Variants in PCNX2 observed in about 807,000 individuals in gnomAD.
PCNX2 encodes pecanex 2, also known as pecanex-like protein 2.
PCNX2 carries 168 observed loss-of-function variants against 223.8 expected under a neutral mutation model. That is an observed-to-expected ratio of 0.75 (90% CI 0.66 to 0.85). PCNX2 has a LOEUF of 0.85. PCNX2 is among the 40% of genes least tolerant of loss of function. PCNX2 has a pLI of 0.00. For missense variants in PCNX2, 2,507 were observed against 2,675.5 expected, an observed-to-expected ratio of 0.94 and a Z score of 1.39; for synonymous variants, 1,006 against 1,052.6, an observed-to-expected ratio of 0.96 and a Z score of 0.86.
At chr1:233,289,119 G>A in intron 1 of PCNX2, 2 of 907,514 alleles carry the variant, frequency 2.2e-6, no homozygotes, top group Non-Finnish European at 3.7e-6. Context: ...CTTATATTTT[G>A]TACAGCTTTT....
chr1:233,076,575 T>A (rs1359213729), intron 23 of PCNX2, among the ~76,000 whole-genome samples: 2 of 152,230 alleles, frequency 1.3e-5, no homozygotes, highest in East Asian at 3.9e-4. Context: ...CAACGTTTCT[T>A]GCTCAGACGG....
intron 32 of PCNX2, among the ~76,000 whole-genome samples, chr1:232,997,267 A>G (rs1388561896): frequency 1.3e-5 from 2 of 152,130 alleles, no homozygotes; most frequent in East Asian, 3.9e-4. Flanking sequence ...GCTGTCTCAG[A>G]TACTTTTTGA....
chr1:233,321,013 CTTT>C, the PCNX2 span, among the ~76,000 whole-genome samples: 6 of 70,362 alleles, frequency 8.5e-5, no homozygotes, highest in Admixed American at 2.1e-4. Context: ...AAAATGTCTT[CTTT>C]TTTTTTTTTT....
Position 233,262,116 on chromosome 1 carries a change from G to A in PCNX2, c.409C>T (p.Leu137Phe). The A allele has an allele frequency of 1.9e-6, 3 of 1,613,828 alleles. No individual in the cohort carries two copies. Among genetic ancestry groups the A allele is most frequent in the South Asian group, 2.2e-5 (2 of 91,078 alleles). The change falls in exon 3 of 34, where the codon CTC becomes TTC. Residue 137 changes from leucine (L) to phenylalanine (F), a missense_variant. Physicochemically the swap from Leu to Phe is conservative, Grantham distance 22. This residue lies in a region of PCNX2 where 1,031 missense variants were observed against 1,021.7 expected (regional missense o/e 1.01). Coordinates refer to ENST00000258229, the MANE Select transcript of PCNX2 (RefSeq NM_014801.4). ...CTGCAGCGGAGGGGAGGCGTGGAGA[G>A]GTTTCGACTGGCCTCTTCCTTTTTG... is the stretch of plus-strand genomic sequence containing the variant. ...NGKKEEASRNLSTPPLRCSSR... is the reference protein window; with the variant it reads ...NGKKEEASRNFSTPPLRCSSR...
chr1:233,029,751 T>C (rs1490407932), intron 25 of PCNX2, among the ~76,000 whole-genome samples: 2 of 152,228 alleles, frequency 1.3e-5, no homozygotes, highest in Non-Finnish European at 2.9e-5. Context: ...TGATTTCTTT[T>C]GATAAGTCAG....
intron 1 of PCNX2, chr1:233,291,065 C>A (rs1032831146): frequency 1.0e-6 from 1 of 985,262 alleles, no homozygotes; most frequent in Non-Finnish European, 1.2e-6. Flanking sequence ...GTTTCACAGC[C>A]TTCAAAGTGC....
Position 232,995,824 on chromosome 1 carries a change from C to T in PCNX2, c.5791+2427G>A, listed in dbSNP as rs1669855522. 2.6e-5 allele frequency among the ~76,000 whole-genome samples: 4 copies of T among 152,132 alleles called. No individual in the cohort carries two copies. The South Asian group carries it at 8.3e-4, about 32-fold the overall frequency. Reference sequence around the variant, plus strand: ...GGAACACCAGCTCTTCCAGGCAAGGCCAGTTCCAGGTGCTGTTTTATAGGA... The same window carrying T: ...GGAACACCAGCTCTTCCAGGCAAGGTCAGTTCCAGGTGCTGTTTTATAGGA... On this transcript the variant is annotated intron_variant, in intron 32 of 33. Transcript: ENST00000258229.
At chr1:233,185,476 A>G (rs568432105) in intron 15 of PCNX2, among the ~76,000 whole-genome samples, 88 of 152,324 alleles carry the variant, frequency 5.8e-4, no homozygotes, top group South Asian at 1.2e-3. Flanking sequence ...TTCATTTAAA[A>G]AAAAAGGTTA....
At chr1:233,090,340 T>C in intron 22 of PCNX2, 150 bp from the exon 23 acceptor site, 1 of 950,168 alleles carries the variant, frequency 1.1e-6, no homozygotes, top group Non-Finnish European at 1.5e-6. Context: ...TGTATAGATT[T>C]ATAAATATAA....
intron 10 of PCNX2, among the ~76,000 whole-genome samples, chr1:233,219,176 A>G (rs1008985084): frequency 1.3e-5 from 2 of 152,100 alleles, no homozygotes; most frequent in African/African-American, 4.8e-5. Context: ...GGATAGAGAT[A>G]GGAAGGGGCT....
chr1:233,074,801 G>A (rs968218668), intron 23 of PCNX2, among the ~76,000 whole-genome samples: 7 of 151,850 alleles, frequency 4.6e-5, no homozygotes, highest in African/African-American at 1.7e-4. Context: ...TATAGAGATG[G>A]CAAATATGCT....
intron 13 of PCNX2, among the ~76,000 whole-genome samples, chr1:233,203,056 A>C (rs1681224741): frequency 6.6e-6 from 1 of 152,176 alleles, no homozygotes. Flanking sequence ...AAGAGAATAA[A>C]ATCCCTCCCC....
rs561853036 is a variant in PCNX2, at chr1:233,121,810, C to T, written c.3837+13203G>A. 5.3e-5 allele frequency among the ~76,000 whole-genome samples: 8 copies of T among 152,116 alleles called. No homozygotes were observed. The South Asian group carries it at 1.2e-3, about 24-fold the overall frequency. On this transcript the variant is annotated intron_variant, in intron 21 of 33. Transcript: ENST00000258229. ...ACTCAAGTTTAGTTTAATGCCGATA[C>T]AGGTAGTTACAGACATACAGACATA...
the PCNX2 span, among the ~76,000 whole-genome samples, chr1:233,302,544 C>G: frequency 6.6e-6 from 1 of 150,894 alleles, no homozygotes; most frequent in Non-Finnish European, 1.5e-5. Context: ...AATTTATGTT[C>G]TTTATGTTTC....
At position 233,119,809 on chromosome 1, in the gene PCNX2, A is replaced by G. The variant is rs552779816; in HGVS notation, c.3837+15204T>C. ...ACGAAAGACCCTATTAAGAGAAGGA[A>G]AAAACAAGCTACAGAGTGGGAGAAA... On this transcript the variant is annotated intron_variant, in intron 21 of 33. Transcript: ENST00000258229. 7.2e-5 allele frequency among the ~76,000 whole-genome samples: 11 copies of G among 152,272 alleles called. No individual in the cohort carries two copies. The East Asian group carries it at 2.1e-3, about 29-fold the overall frequency.
chr1:233,162,599 T>A (rs1678561544), intron 17 of PCNX2, among the ~76,000 whole-genome samples: 1 of 152,214 alleles, frequency 6.6e-6, no homozygotes, highest in African/African-American at 2.4e-5. Flanking sequence ...GAAATGCTTG[T>A]GATCAGAGAA....
At chr1:233,217,245 G>A (rs1278494508) in intron 12 of PCNX2, among the ~76,000 whole-genome samples, 1 of 152,118 alleles carries the variant, frequency 6.6e-6, no homozygotes, top group Non-Finnish European at 1.5e-5. Flanking sequence ...ATAACTATAT[G>A]TGGTTATAGA....
rs1343099778 is a variant in PCNX2, at chr1:233,113,100, G to A, written c.3838-17237C>T. The A allele has an allele frequency of 3.4e-5, 34 of 1,012,878 alleles. No individual in the cohort carries two copies. The South Asian group carries it at 3.9e-4, about 12-fold the overall frequency. The allele number at this position is 1,012,878 out of a possible 1,614,324, so 62.7% of individuals were successfully genotyped here. ...TGCAGCCACAGGCTGTGGTCACAAC[G>A]CAGTGAGCTGGCCAGTTGGGTGACA... On this transcript the variant is annotated intron_variant, in intron 21 of 33. Transcript: ENST00000258229.
chr1:233,152,283 T>C (rs1677863784), intron 19 of PCNX2, among the ~76,000 whole-genome samples: 1 of 152,226 alleles, frequency 6.6e-6, no homozygotes, highest in South Asian at 2.1e-4. Flanking sequence ...ACCAGTATCA[T>C]AGCACATGAT....
Sources: gnomAD v4.1 joint callset for allele counts (sites outside exome capture counted in the v4.1 genomes callset) on GRCh38, gnomAD v4.1.1 for gene constraint, gnomAD v4.1.1 regional missense constraint, MANE v1.5 for transcripts, NCBI Gene and HGNC (gene_info 2026-07-23, HGNC 2026-07-21) for gene names.